NELL1: variants seen among roughly 807,000 people sequenced by gnomAD.
NELL1 encodes the protein neural EGFL like 1.
A neutral mutation model predicts 107.4 loss-of-function variants in NELL1; 76 were observed. That is an observed-to-expected ratio of 0.71 (90% CI 0.59 to 0.86). The LOEUF (loss-of-function observed/expected upper bound fraction) is 0.86, where lower values mean the gene tolerates loss of function less well. Among genes scored for constraint, NELL1 ranks in the 40% least tolerant of loss-of-function variants. The pLI is 0.00. For missense variants in NELL1, 1,024 were observed against 1,005.5 expected (o/e 1.02, Z -0.25); for synonymous variants, 353 against 341.2 (o/e 1.03, Z -0.38).
chr11:21,526,873 G>A (rs1170103415), intron 15 of NELL1, among the ~76,000 whole-genome samples: 1 of 152,236 alleles, frequency 6.6e-6, no homozygotes, highest in Non-Finnish European at 1.5e-5. Context: ...CTCCAGGCCT[G>A]TGATGGGAGG....
Position 20,878,285 on chromosome 11 carries a change from T to C in NELL1, c.507-7159T>C, listed in dbSNP as rs372320935. ...TGAGGCAGGAAATGGTGTGAACCCG[T>C]GAGGTGGAGCTTGCAGTGAGCCGAG... On this transcript the variant is annotated intron_variant, in intron 4 of 19. Coordinates refer to ENST00000357134, the MANE Select transcript of NELL1 (RefSeq NM_006157.5). 9.5e-3 allele frequency among the ~76,000 whole-genome samples: 1,268 copies of C among 134,134 alleles called. 15 individuals are homozygous for C. Among genetic ancestry groups the C allele is most frequent in the African/African-American group, 0.033 (1,215 of 37,276 alleles). The allele number at this position is 134,134 out of a possible 152,430, so 88.0% of individuals were successfully genotyped here.
intron 13 of NELL1, among the ~76,000 whole-genome samples, chr11:21,161,010 C>T (rs1217507481): frequency 1.6e-5 from 2 of 124,994 alleles, no homozygotes; most frequent in African/African-American, 6.0e-5. Flanking sequence ...TACACACACA[C>T]ACACACACAC....
intron 4 of NELL1, among the ~76,000 whole-genome samples, chr11:20,848,116 G>A (rs1044375438): frequency 1.3e-5 from 2 of 152,156 alleles, no homozygotes; most frequent in Admixed American, 6.6e-5. Flanking sequence ...ACTGGGAAGC[G>A]AATAAGCTTG....
At chr11:20,689,136 T>C (rs947257721) in intron 2 of NELL1, among the ~76,000 whole-genome samples, 1 of 152,128 alleles carries the variant, frequency 6.6e-6, no homozygotes, top group Non-Finnish European at 1.5e-5. Context: ...TGGTTTTTGC[T>C]TGTTCAATTG....
At chr11:21,073,788 A>C (rs553201543) in intron 12 of NELL1, among the ~76,000 whole-genome samples, 137 of 152,304 alleles carry the variant, frequency 9.0e-4, no homozygotes, top group African/African-American at 3.3e-3. Flanking sequence ...ATATATTTCT[A>C]AACGTTACTT....
chr11:20,678,160 C>G (rs879207610), intron 2 of NELL1, 100 bp downstream of exon 2: 13 of 1,375,274 alleles, frequency 9.5e-6, no homozygotes, highest in African/African-American at 2.8e-5. Flanking sequence ...ATCGCCTTTG[C>G]TATTTCTCTT....
intron 14 of NELL1, among the ~76,000 whole-genome samples, chr11:21,336,674 T>TATATACACACACACACACACACACAC (rs55720144): frequency 7.7e-6 from 1 of 130,526 alleles, no homozygotes; most frequent in African/African-American, 2.9e-5. Flanking sequence ...TATATATATA[T>TATATACACACACACACACACACACAC]ACACACACAC....
At chr11:21,380,173 C>T (rs1177161126) in intron 15 of NELL1, among the ~76,000 whole-genome samples, 1 of 152,038 alleles carries the variant, frequency 6.6e-6, no homozygotes, top group Non-Finnish European at 1.5e-5. Context: ...CAACTTCTAT[C>T]ATCAACGTTG....
chr11:21,273,010 AG>A (rs1848773367), intron 14 of NELL1, among the ~76,000 whole-genome samples: 1 of 152,236 alleles, frequency 6.6e-6, no homozygotes, highest in South Asian at 2.1e-4. Flanking sequence ...TCTCCTCCAA[AG>A]GAATGCAGCT....
chr11:21,009,526 G>A (rs1397512671), intron 12 of NELL1, among the ~76,000 whole-genome samples: 1 of 151,968 alleles, frequency 6.6e-6, no homozygotes, highest in African/African-American at 2.4e-5. Flanking sequence ...GTGCATAATT[G>A]GTTACCCAGA....
chr11:21,515,139 A>G (rs755003398), intron 15 of NELL1, among the ~76,000 whole-genome samples: 5 of 152,196 alleles, frequency 3.3e-5, no homozygotes, highest in Non-Finnish European at 5.9e-5. Context: ...TTTTAATTAT[A>G]TGTAAACATG....
intron 14 of NELL1, among the ~76,000 whole-genome samples, chr11:21,289,844 A>G (rs1849210333): frequency 6.6e-6 from 1 of 152,024 alleles, no homozygotes; most frequent in African/African-American, 2.4e-5. Flanking sequence ...TGAGTAGGCA[A>G]TTTTCCCCTC....
At chr11:21,419,392 G>A (rs1852602853) in intron 15 of NELL1, among the ~76,000 whole-genome samples, 1 of 152,082 alleles carries the variant, frequency 6.6e-6, no homozygotes, top group Admixed American at 6.6e-5. Context: ...TCACATTTTT[G>A]TGTAATAATG....
chr11:21,450,049 T>C (rs968045814), intron 15 of NELL1, among the ~76,000 whole-genome samples: 8 of 152,210 alleles, frequency 5.3e-5, no homozygotes, highest in African/African-American at 1.9e-4. Context: ...ATTCCTAGCT[T>C]GCCTAGTTGG....
intron 2 of NELL1, among the ~76,000 whole-genome samples, chr11:20,701,912 C>A (rs868201583): frequency 6.6e-6 from 1 of 152,096 alleles, no homozygotes; most frequent in Admixed American, 6.6e-5. Context: ...GTTACTGTAG[C>A]CTTGTAGTAT....
intron 15 of NELL1, among the ~76,000 whole-genome samples, chr11:21,427,508 T>C (rs911928851): frequency 6.6e-6 from 1 of 152,202 alleles, no homozygotes; most frequent in Admixed American, 6.5e-5. Context: ...TATTTCACTC[T>C]AAGGGAATAT....
chr11:20,973,220 G>A (rs564943644), intron 12 of NELL1, among the ~76,000 whole-genome samples: 59 of 146,866 alleles, frequency 4.0e-4, no homozygotes, highest in Admixed American at 9.8e-4. Flanking sequence ...ATGATTCTCC[G>A]GCCTCAGCCT....
intron 5 of NELL1, among the ~76,000 whole-genome samples, chr11:20,904,178 T>C (rs2134136469): frequency 6.6e-6 from 1 of 151,988 alleles, no homozygotes; most frequent in African/African-American, 2.4e-5. Context: ...CTGCACAATG[T>C]GCACATGTAC....
At position 20,783,880 on chromosome 11, in the gene NELL1, A is replaced by T. The variant is rs778357912; in HGVS notation, c.335+50A>T. ...AAAATCTCCTTAGAGTTAATGGGTT[A>T]TACAAAATGTCTTGGGATTTAGAGT... is the stretch of plus-strand genomic sequence containing the variant. On this transcript the variant is annotated intron_variant, in intron 3 of 19. Transcript: ENST00000357134. 5 of 1,518,562 alleles carry T rather than the reference A, an allele frequency of 3.3e-6. No individual in the cohort carries two copies. The Admixed American group carries it at 8.2e-5, about 25-fold the overall frequency. 94.1% of individuals were successfully genotyped at this position (1,518,562 alleles called of 1,614,324 possible). A position where few individuals can be genotyped will look rare whatever the true frequency, so the allele number is the denominator to read the frequency against.
Sources: gnomAD v4.1 joint callset for allele counts (sites outside exome capture counted in the v4.1 genomes callset) on GRCh38, gnomAD v4.1.1 for gene constraint, MANE v1.5 for transcripts, NCBI Gene and HGNC (gene_info 2026-07-23, HGNC 2026-07-21) for gene names.